SLC67A2: variants seen among roughly 807,000 people sequenced by gnomAD.
SLC67A2 encodes solute carrier family 67 member 2, also known as solute carrier family 67 member A2.
At chr2:102,723,890 G>A in the SLC67A2 span, 2 of 1,613,798 alleles carry the variant, frequency 1.2e-6, no homozygotes, top group Non-Finnish European at 8.5e-7. Context: ...TTGAGATGGA[G>A]AGAGTGTGTT....
At chr2:102,718,498 G>A in the SLC67A2 span, 1 of 1,614,114 alleles carries the variant, frequency 6.2e-7, no homozygotes, top group Admixed American at 1.7e-5. Flanking sequence ...TGGCCACTAA[G>A]GCTAACACAG....
chr2:102,720,882 A>T, the SLC67A2 span, among the ~76,000 whole-genome samples: 1 of 152,246 alleles, frequency 6.6e-6, no homozygotes, highest in East Asian at 1.9e-4. Flanking sequence ...GGGGTAAAGG[A>T]TGGCAAGACT....
At chr2:102,726,935 G>A in the SLC67A2 span, 2 of 1,613,380 alleles carry the variant, frequency 1.2e-6, no homozygotes, top group Non-Finnish European at 1.7e-6. Flanking sequence ...ATGCATGCCA[G>A]CAAGGAAGAC....
At chr2:102,725,112 G>C in the SLC67A2 span, among the ~76,000 whole-genome samples, 61 of 152,324 alleles carry the variant, frequency 4.0e-4, no homozygotes, top group African/African-American at 1.4e-3. Flanking sequence ...TGGGGTGGTG[G>C]ACAGAGTGGA....
At chr2:102,726,946 C>A in the SLC67A2 span, 3 of 1,613,510 alleles carry the variant, frequency 1.9e-6, no homozygotes, top group East Asian at 2.2e-5. Context: ...CAAGGAAGAC[C>A]GTCTTCCCAC....
chr2:102,726,593 T>C, the SLC67A2 span, among the ~76,000 whole-genome samples: 3 of 151,840 alleles, frequency 2.0e-5, no homozygotes, highest in African/African-American at 4.8e-5. Flanking sequence ...GCTTTAGATA[T>C]AGACATAGAC....
the SLC67A2 span, among the ~76,000 whole-genome samples, chr2:102,715,287 G>A: frequency 1.3e-5 from 2 of 152,176 alleles, no homozygotes; most frequent in Non-Finnish European, 2.9e-5. Flanking sequence ...CCCGAGCATG[G>A]CAGCCGAATC....
the SLC67A2 span, chr2:102,731,214 C>CCAAG: frequency 1.8e-6 from 1 of 566,802 alleles, no homozygotes; most frequent in Non-Finnish European, 3.0e-6. Flanking sequence ...TTTTTTTTTT[C>CCAAG]TACTTGGAAA....
chr2:102,736,676 G>T, the SLC67A2 span: 9 of 1,613,600 alleles, frequency 5.6e-6, no homozygotes, highest in Admixed American at 1.5e-4. Context: ...GACAGAGCAG[G>T]AAGCGGCGGG....
the SLC67A2 span, among the ~76,000 whole-genome samples, chr2:102,735,904 C>T: frequency 6.6e-6 from 1 of 152,148 alleles, no homozygotes; most frequent in Non-Finnish European, 1.5e-5. Flanking sequence ...AATGCACACC[C>T]TTTGTCCAAA....
the SLC67A2 span, chr2:102,727,059 G>A: frequency 1.0e-4 from 150 of 1,443,582 alleles, no homozygotes; most frequent in Middle Eastern, 9.1e-4. Flanking sequence ...GTGACCAGGG[G>A]AAAACAATGG....
chr2:102,726,896 G>A, the SLC67A2 span: 3 of 1,612,918 alleles, frequency 1.9e-6, no homozygotes, highest in African/African-American at 1.3e-5. Context: ...GCTGCTCCGA[G>A]AAGGAGATAG....
At chr2:102,735,836 A>ATG in the SLC67A2 span, among the ~76,000 whole-genome samples, 1 of 135,424 alleles carries the variant, frequency 7.4e-6, no homozygotes, top group Non-Finnish European at 1.6e-5. Context: ...AAACCAGGAC[A>ATG]CGCGCGCGCG....
At chr2:102,722,818 A>G in the SLC67A2 span, among the ~76,000 whole-genome samples, 1 of 152,232 alleles carries the variant, frequency 6.6e-6, no homozygotes, top group Non-Finnish European at 1.5e-5. Flanking sequence ...CAAATCAGCA[A>G]AGTGAAAAAG....
the SLC67A2 span, among the ~76,000 whole-genome samples, chr2:102,734,463 C>T: frequency 6.6e-6 from 1 of 152,176 alleles, no homozygotes; most frequent in East Asian, 1.9e-4. Flanking sequence ...CAAATGACTT[C>T]TCTAAGCTTG....
chr2:102,733,556 G>A, the SLC67A2 span, among the ~76,000 whole-genome samples: 4 of 152,068 alleles, frequency 2.6e-5, no homozygotes, highest in African/African-American at 9.7e-5. Context: ...CAGAGTGATG[G>A]TTTATTATTT....
chr2:102,733,996 G>C, the SLC67A2 span, among the ~76,000 whole-genome samples: 1 of 152,102 alleles, frequency 6.6e-6, no homozygotes, highest in Non-Finnish European at 1.5e-5. Context: ...TTCTAAAATT[G>C]CCTTCTCCTT....
the SLC67A2 span, among the ~76,000 whole-genome samples, chr2:102,722,738 A>T: frequency 6.6e-6 from 1 of 152,152 alleles, no homozygotes; most frequent in African/African-American, 2.4e-5. Flanking sequence ...TAGGTATAAC[A>T]ACAAAACCAA....
the SLC67A2 span, among the ~76,000 whole-genome samples, chr2:102,730,304 C>A: frequency 6.6e-6 from 1 of 152,174 alleles, no homozygotes; most frequent in Non-Finnish European, 1.5e-5. Flanking sequence ...CCAACCTTAG[C>A]CTCCTGAGTA....
Sources: gnomAD v4.1 joint callset for allele counts (sites outside exome capture counted in the v4.1 genomes callset) on GRCh38, gnomAD v4.1.1 for gene constraint, MANE v1.5 for transcripts, NCBI Gene and HGNC (gene_info 2026-07-23, HGNC 2026-07-21) for gene names.